Variants in SAMD8 observed in about 807,000 individuals in gnomAD.
SAMD8 encodes sphingomyelin synthase-related protein 1.
In SAMD8, 20 loss-of-function variants were observed where a neutral mutation model predicts 42.0. The ratio of observed to expected loss-of-function variants is 0.48; its 90% CI spans 0.34 to 0.69. The LOEUF is 0.69. Among genes scored for constraint, SAMD8 ranks in the 30% least tolerant of loss-of-function variants. SAMD8 has a pLI of 0.01. For synonymous variants in SAMD8, 162 were observed against 173.0 expected (o/e 0.94, Z 0.50); for missense variants, 328 against 511.6 (o/e 0.64, Z 3.46).
chr10:75,103,763 G>T, intron 1 of SAMD8: 1 of 698,960 alleles, frequency 1.4e-6, no homozygotes, highest in Non-Finnish European at 2.0e-6. Flanking sequence ...GCTGGAGACA[G>T]CTGTGGCCAA....
intron 1 of SAMD8, among the ~76,000 whole-genome samples, chr10:75,132,918 G>T (rs1849305422): frequency 6.6e-6 from 1 of 152,114 alleles, no homozygotes; most frequent in Non-Finnish European, 1.5e-5. Context: ...GGGCCTGGGA[G>T]GTCAAGGCTA....
intron 1 of SAMD8, among the ~76,000 whole-genome samples, chr10:75,131,484 TAG>T (rs1172194044): frequency 6.6e-6 from 1 of 152,132 alleles, no homozygotes; most frequent in Non-Finnish European, 1.5e-5. Context: ...AGAAAAATTA[TAG>T]GTTATTTTAT....
At chr10:75,130,715 T>A (rs1173754343) in intron 1 of SAMD8, among the ~76,000 whole-genome samples, 1 of 152,198 alleles carries the variant, frequency 6.6e-6, no homozygotes, top group Non-Finnish European at 1.5e-5. Context: ...ATAATTTAAA[T>A]AATTTGTGTA....
At chr10:75,164,066 G>A (rs1027768748) in intron 2 of SAMD8, among the ~76,000 whole-genome samples, 1 of 151,984 alleles carries the variant, frequency 6.6e-6, no homozygotes, top group Non-Finnish European at 1.5e-5. Flanking sequence ...AATACAAAAA[G>A]TTAGCCAGGC....
chr10:75,102,176 T>G (rs1405153204), intron 1 of SAMD8, among the ~76,000 whole-genome samples: 1 of 152,192 alleles, frequency 6.6e-6, no homozygotes, highest in African/African-American at 2.4e-5. Context: ...TGTACATGTA[T>G]GTTGATAGTG....
chr10:75,153,006 G>A (rs778239362), intron 2 of SAMD8, among the ~76,000 whole-genome samples: 34 of 151,862 alleles, frequency 2.2e-4, no homozygotes, highest in Admixed American at 4.6e-4. Context: ...TTTTTAGATG[G>A]AGTCTTGCTC....
chr10:75,108,176 C>T, upstream of SAMD8: 1 of 1,611,404 alleles, frequency 6.2e-7, no homozygotes, highest in Non-Finnish European at 8.5e-7. Flanking sequence ...TGATGCCCAG[C>T]TTCCACAGCT....
chr10:75,129,563 T>C (rs1210232793), intron 1 of SAMD8, among the ~76,000 whole-genome samples: 1 of 152,322 alleles, frequency 6.6e-6, no homozygotes, highest in South Asian at 2.1e-4. Flanking sequence ...TTAAAATGAT[T>C]AGCTAGTTTC....
At position 75,106,556 on chromosome 10, in the gene SAMD8, C is replaced by A. The variant is rs1848522887; in HGVS notation, c.-16+6828C>A. ...CTTTTTTGCATATTACCCATGGATACCTTTGTAGAGGGAAGTCCCCCCACC... is the reference window on the plus strand; with the variant it reads ...CTTTTTTGCATATTACCCATGGATAACTTTGTAGAGGGAAGTCCCCCCACC... On this transcript the variant is annotated intron_variant, in intron 1 of 3. Coordinates refer to the SAMD8 transcript ENST00000447533. 2.6e-5 allele frequency among the ~76,000 whole-genome samples: 4 copies of A among 152,156 alleles called. No individual in the cohort carries two copies. In the South Asian group the frequency reaches 8.3e-4, roughly 31 times the overall value.
Position 75,150,842 on chromosome 10 carries a change from A to G in SAMD8, c.314A>G (p.Gln105Arg). Residue 105 changes from glutamine (Q) to arginine (R), a missense_variant, in exon 2 of 6, where the codon CAG (glutamine) becomes CGG (arginine). Coordinates refer to ENST00000542569, the MANE Select transcript of SAMD8 (RefSeq NM_001174156.2). ...ATGACCCCTTTCATCAGTGCTCTTC[A>G]GAGTACAGACTGGCTCTGTAATGGG... The part of the protein sequence containing the change: ...GSMTPFISAL[Q>R]STDWLCNGEL... 1.9e-6 allele frequency: 3 copies of G among 1,614,160 alleles called. No individual in the cohort carries two copies. Among genetic ancestry groups the G allele is most frequent in the Non-Finnish European group, 2.5e-6 (3 of 1,180,006 alleles).
intron 1 of SAMD8, chr10:75,125,118 G>A (rs1353384371): frequency 6.6e-6 from 1 of 152,084 alleles, no homozygotes; most frequent in African/African-American, 2.4e-5. Context: ...CTCTGATTAT[G>A]TCATCCTCTT....
At chr10:75,129,451 G>A (rs575342796) in intron 1 of SAMD8, among the ~76,000 whole-genome samples, 2 of 152,236 alleles carry the variant, frequency 1.3e-5, no homozygotes, top group Admixed American at 6.5e-5. Context: ...ATGTCGGCCA[G>A]GAGGCTCTCA....
intron 1 of SAMD8, among the ~76,000 whole-genome samples, chr10:75,142,600 C>T (rs1840043329): frequency 6.6e-6 from 1 of 152,040 alleles, no homozygotes; most frequent in Non-Finnish European, 1.5e-5. Context: ...CCACGCCCAG[C>T]TAATTTTTGT....
upstream of SAMD8, chr10:75,108,196 T>C: frequency 6.2e-7 from 1 of 1,605,358 alleles, no homozygotes; most frequent in Non-Finnish European, 8.5e-7. Context: ...TCAAAGCGGT[T>C]GTTTGCCGTG....
At chr10:75,161,742 T>C (rs1589970358) in intron 2 of SAMD8, among the ~76,000 whole-genome samples, 1 of 150,116 alleles carries the variant, frequency 6.7e-6, no homozygotes, top group Admixed American at 6.6e-5. Context: ...CAGCAGGGGC[T>C]GGGCGTGGTG....
At position 75,153,605 on chromosome 10, in the gene SAMD8, C is replaced by A. The variant is rs572863074; in HGVS notation, c.578+2499C>A. On this transcript the variant is annotated intron_variant, in intron 2 of 5. Coordinates refer to ENST00000542569, the MANE Select transcript of SAMD8 (RefSeq NM_001174156.2). ...CTCCAGCCCGGGTGTCAGAGTGAGA[C>A]TGTCTCAAAAAAAAAAATACATAAA... 2.2e-3 allele frequency among the ~76,000 whole-genome samples: 335 copies of A among 150,604 alleles called. 1 individual carries two copies. Among genetic ancestry groups the A allele is most frequent in the African/African-American group, 7.8e-3 (321 of 41,078 alleles).
chr10:75,176,725 A>G lies in SAMD8; in HGVS notation c.*33A>G, dbSNP rs765393449. On this transcript the variant is annotated 3_prime_UTR_variant, in exon 6 of 6. Coordinates refer to ENST00000542569, the MANE Select transcript of SAMD8 (RefSeq NM_001174156.2). This position sits in a 1 kb window ranked among gnomAD's most constrained non-coding sequence, Gnocchi z 4.3. ...CTTTCTAATGAATTTGTGATTAAAT[A>G]TATAATAGTTGTTGAAAATGAGTAA... 1.1e-5 allele frequency: 16 copies of G among 1,429,566 alleles called. No homozygotes were observed. The South Asian group carries it at 2.2e-4, about 19-fold the overall frequency. 88.6% of individuals were successfully genotyped at this position (1,429,566 alleles called of 1,614,324 possible). A position where few individuals can be genotyped will look rare whatever the true frequency, so the allele number is the denominator to read the frequency against.
At chr10:75,107,375 C>A (rs184437725), upstream of SAMD8, among the ~76,000 whole-genome samples, 25 of 151,760 alleles carry the variant, frequency 1.6e-4, no homozygotes, top group Non-Finnish European at 1.5e-5. Context: ...AAAAAAAGTA[C>A]TTTGGGGCAG....
At chr10:75,165,977 CAAAAA>C (rs56839743) in intron 3 of SAMD8, among the ~76,000 whole-genome samples, 2 of 62,528 alleles carry the variant, frequency 3.2e-5, no homozygotes, top group East Asian at 4.1e-4. Context: ...ACCCTGTCTC[CAAAAA>C]AAAAAAAAAA....
Sources: gnomAD v4.1 joint callset for allele counts (sites outside exome capture counted in the v4.1 genomes callset) on GRCh38, gnomAD v4.1.1 for gene constraint, Gnocchi (gnomAD v3.1) non-coding constraint, MANE v1.5 for transcripts, NCBI Gene and HGNC (gene_info 2026-07-23, HGNC 2026-07-21) for gene names.